The following KRT17 variants were observed in gnomAD, a reference collection of about 807,000 sequenced individuals.
KRT17 encodes keratin, type I cytoskeletal 17.
KRT17 carries 29 observed loss-of-function variants against 45.6 expected under a neutral mutation model. The observed-to-expected ratio is 0.64, with a 90% CI of 0.47 to 0.87. The LOEUF is 0.87. Among genes scored for constraint, KRT17 ranks in the 40% least tolerant of loss-of-function variants. The probability of loss-of-function intolerance (pLI) is 0.00; values close to 1 mark genes in which losing one functional copy is unlikely to be tolerated. For missense variants in KRT17, 536 were observed against 577.8 expected, an observed-to-expected ratio of 0.93 and a Z score of 0.74; for synonymous variants, 219 against 234.6, an observed-to-expected ratio of 0.93 and a Z score of 0.61.
chr17:41,621,835 C>A, intron 3 of KRT17, 81 bp from the exon 4 acceptor site: 1 of 1,503,720 alleles, frequency 6.7e-7, no homozygotes, highest in Non-Finnish European at 9.2e-7. Flanking sequence ...ACAAGGGGAC[C>A]CCACTTCCCA....
In KRT17 at chr17:41,624,004, G is replaced by T. The variant is rs536058710; in HGVS notation, c.432+74C>A. The stretch of plus-strand genomic sequence containing the variant: ...CCTGAGACCCTATGGCTGGACTCCA[G>T]GCCTTTGGCCAAGGCAGGAGTTGGG... On this transcript the variant is annotated intron_variant, in intron 1 of 7. Coordinates refer to ENST00000311208, the MANE Select transcript of KRT17 (RefSeq NM_000422.3). The T allele has an allele frequency of 6.3e-4, 1,005 of 1,599,152 alleles. 1 individual carries two copies. Among genetic ancestry groups the T allele is most frequent in the Middle Eastern group, 4.8e-3 (21 of 4,416 alleles).
At chr17:41,620,002 G>A (rs1281570262) in intron 7 of KRT17, 29 of 985,268 alleles carry the variant, frequency 2.9e-5, no homozygotes, top group South Asian at 4.7e-5. Context: ...TTTCTCTGCA[G>A]TCTCTAGGAC....
In KRT17 at chr17:41,620,894, G is replaced by A; in HGVS notation, c.961-15C>T. On this transcript the variant is annotated splice_polypyrimidine_tract_variant and intron_variant, in intron 5 of 7. Transcript: ENST00000311208. ...AGGGATGCTTTCTGCAGGAGGGCAG[G>A]AAGACCAGGGGTCAGTGAGGATGGT... 6.2e-7 allele frequency: 1 copy of A among 1,613,998 alleles called. No homozygotes were observed.
chr17:41,624,442 C>A lies in KRT17; in HGVS notation c.68G>T (p.Gly23Val). 2.5e-6 allele frequency: 4 copies of A among 1,610,216 alleles called. No individual in the cohort carries two copies. The highest frequency in any genetic ancestry group is 3.4e-6 in the Non-Finnish European group (4 of 1,179,376). ...CAGCCGGCAGGAGGTGCGGGACGAG[C>A]CGCCCCCCAGGCCGGAGGAGCCCTT... is the stretch of plus-strand genomic sequence containing the variant. ...SIKGSSGLGG[G>V]SSRTSCRLSG... Residue 23 changes from glycine (G) to valine (V), a missense_variant, in exon 1 of 8, where the codon GGC becomes GTC. Transcript: ENST00000311208.
rs1330476715 is a variant in KRT17 at position 41,620,683 on chromosome 17, C to T, written c.1157G>A (p.Arg386His). 2.5e-6 allele frequency: 4 copies of T among 1,612,156 alleles called. No individual in the cohort carries two copies. Among genetic ancestry groups the T allele is most frequent in the Non-Finnish European group, 2.5e-6 (3 of 1,179,866 alleles). ...RLEQEIATYR[R>H]LLEGEDAHLT... ...CTGGGCATCCTCTCCCTCCAGCAGG[C>T]GGCGGTAGGTGGCAATCTCCTGCTC... is the stretch of plus-strand genomic sequence containing the variant. Residue 386 changes from arginine (R) to histidine (H), a missense_variant, in exon 6 of 8, where the codon CGC (arginine) becomes CAC (histidine). Coordinates refer to ENST00000311208, the MANE Select transcript of KRT17 (RefSeq NM_000422.3).
chr17:41,621,769 GAT>G lies in KRT17; in HGVS notation c.673-17_673-16del, dbSNP rs1370146642. The G allele has an allele frequency of 6.2e-7, 1 of 1,611,876 alleles. No individual in the cohort carries two copies. Among genetic ancestry groups the G allele is most frequent in the African/African-American group, 1.3e-5 (1 of 74,844 alleles). ...GCGTTCATCTCCTATGGAAAAAGGGGATGTGGATGTGCGCATCTGGACCCATC... is the reference window on the plus strand; with the variant it reads ...GCGTTCATCTCCTATGGAAAAAGGGGGTGGATGTGCGCATCTGGACCCATC... On this transcript the variant is annotated splice_polypyrimidine_tract_variant and intron_variant, in intron 3 of 7. Transcript: ENST00000311208.
At chr17:41,622,254 G>A in intron 3 of KRT17, 101 bp downstream of exon 3, 1 of 1,473,594 alleles carries the variant, frequency 6.8e-7, no homozygotes, top group Non-Finnish European at 9.5e-7. Context: ...TAATCCCGGT[G>A]CACCTGCTCT....
At position 41,622,386 on chromosome 17, in the gene KRT17, T is replaced by C; in HGVS notation, c.641A>G (p.Glu214Gly). The C allele has an allele frequency of 6.2e-7, 1 of 1,613,846 alleles. No individual in the cohort carries two copies. Among genetic ancestry groups the C allele is most frequent in the Non-Finnish European group, 8.5e-7 (1 of 1,180,036 alleles). Reference sequence around the variant, plus strand: ...GTGGTTCTTCTTCAGGTAGGCCAGCTCCTCCTTGAGGTTCTCAATCTGCAT... The same window carrying C: ...GTGGTTCTTCTTCAGGTAGGCCAGCCCCTCCTTGAGGTTCTCAATCTGCAT... ...LEMQIENLKE[E>G]LAYLKKNHEE... The change falls in exon 3 of 8, where the codon GAG (glutamate) becomes GGG (glycine). Residue 214 changes from glutamate (E) to glycine (G), a missense_variant. By Grantham distance (98) the Glu-to-Gly change is moderately conservative (BLOSUM62 -2). Coordinates refer to ENST00000311208, the MANE Select transcript of KRT17 (RefSeq NM_000422.3).
chr17:41,620,536 G>A lies in KRT17; in HGVS notation c.1204C>T (p.Pro402Ser), dbSNP rs367560898. 4.2e-5 allele frequency: 68 copies of A among 1,611,328 alleles called. No homozygotes were observed. The highest frequency in any genetic ancestry group is 3.5e-4 in the African/African-American group (26 of 74,754). ...GGGCCGAAGCCACGCAGATACTTAC[G>A]TTCTTTCTTGTACTGAGTCAGGCTG... ...DAHLTQYKKE[P>S]VTTRQVRTIV... The change falls in exon 7 of 8, where the codon CCG becomes TCG. Residue 402 changes from proline to serine, a missense_variant and splice_region_variant. Coordinates refer to ENST00000311208, the MANE Select transcript of KRT17 (RefSeq NM_000422.3).
chr17:41,621,416 G>A (rs566636689), intron 4 of KRT17, among the ~76,000 whole-genome samples, 177 bp downstream of exon 4: 1 of 144,292 alleles, frequency 6.9e-6, no homozygotes, highest in African/African-American at 2.5e-5. Context: ...CCACCCACCC[G>A]CCAGATCCCA....
At chr17:41,621,176 A>G in intron 4 of KRT17, 85 bp from the exon 5 acceptor site, 1 of 1,549,288 alleles carries the variant, frequency 6.5e-7, no homozygotes, top group Non-Finnish European at 8.9e-7. Context: ...CTGTGGAGAG[A>G]GTGTGCCTTC....
chr17:41,621,352 G>A (rs1177366608), intron 4 of KRT17, among the ~76,000 whole-genome samples: 1 of 152,196 alleles, frequency 6.6e-6, no homozygotes, highest in Non-Finnish European at 1.5e-5. Flanking sequence ...GGAGACGTGG[G>A]GACTCCCAAG....
rs1908519792 is a variant in KRT17, at chr17:41,620,989, C to G, written c.937G>C (p.Glu313Gln). ...ACCATGCTGAGCTGGGACTGCAGCT[C>G]TATCTCCAAGGCCTGCATGGTGCGC... ...LRRTMQALEI[E>Q]LQSQLSMKAS... Residue 313 changes from glutamate to glutamine, a missense_variant, in exon 5 of 8, where the codon GAG becomes CAG. Transcript: ENST00000311208. 4 of 1,614,212 alleles carry G rather than the reference C, an allele frequency of 2.5e-6. No homozygotes were observed. Among genetic ancestry groups the G allele is most frequent in the Non-Finnish European group, 3.4e-6 (4 of 1,180,046 alleles).
In KRT17 at chr17:41,624,518, C is replaced by A. The variant is rs751685332; in HGVS notation, c.-9G>T. ...CGGATGGAGGTGGTCATGGTGGCGG[C>A]GGCAGGAGGCAGGCACACAGGAGAA... On this transcript the variant is annotated 5_prime_UTR_variant, in exon 1 of 8. Transcript: ENST00000311208. 4.4e-6 allele frequency: 7 copies of A among 1,608,054 alleles called. No homozygotes were observed. In the South Asian group the frequency reaches 5.5e-5, roughly 13 times the overall value.
intron 2 of KRT17, 58 bp downstream of exon 2, chr17:41,622,892 T>C (rs1908591805): frequency 2.1e-6 from 3 of 1,434,772 alleles, no homozygotes; most frequent in Admixed American, 1.7e-5. Flanking sequence ...TCAGGAGGGG[T>C]ACCCTGAGAT....
rs11553456 is a variant in KRT17 at position 41,624,462 on chromosome 17, G to C, written c.48C>G (p.Gly16=). ...RQFTSSSSIK[G]SSGLGGGSSR... The stretch of plus-strand genomic sequence containing the variant: ...ACGAGCCGCCCCCCAGGCCGGAGGA[G>C]CCCTTGATGGAGCTGGAGGAGGTGA... The change falls in exon 1 of 8, where the codon GGC becomes GGG. Residue 16 remains glycine (G), a synonymous_variant. Coordinates refer to ENST00000311208, the MANE Select transcript of KRT17 (RefSeq NM_000422.3). The C allele has an allele frequency of 8.4e-4, 1,357 of 1,610,536 alleles. 26 individuals are homozygous for C. In the South Asian group the frequency reaches 0.013, roughly 15 times the overall value.
In KRT17 at chr17:41,624,357, G is replaced by C. The variant is rs1258415165; in HGVS notation, c.153C>G (p.Thr51=). ...AGCTGGAGTAGCTGCTACCCCCGAGGGTGCTGCCCAGGCCGCCAGCAGATC... is the reference window on the plus strand; with the variant it reads ...AGCTGGAGTAGCTGCTACCCCCGAGCGTGCTGCCCAGGCCGCCAGCAGATC... The part of the protein sequence containing the change: ...RLGSAGGLGS[T]LGGSSYSSCY... Residue 51 remains threonine (T), a synonymous_variant, in exon 1 of 8, where the codon ACC becomes ACG. Transcript: ENST00000311208. 1.9e-6 allele frequency: 3 copies of C among 1,611,442 alleles called. No individual in the cohort carries two copies. Among genetic ancestry groups the C allele is most frequent in the Non-Finnish European group, 1.7e-6 (2 of 1,179,786 alleles).
chr17:41,622,958 G>T lies in KRT17; in HGVS notation c.507C>A (p.Phe169Leu). 1 of 1,612,462 alleles carries T rather than the reference G, an allele frequency of 6.2e-7. No individual in the cohort carries two copies. Among genetic ancestry groups the T allele is most frequent in the South Asian group, 1.1e-5 (1 of 91,004 alleles). Residue 169 changes from phenylalanine to leucine, a missense_variant, in exon 2 of 8, where the codon TTC becomes TTA. By Grantham distance (22) the Phe-to-Leu change is conservative (BLOSUM62 0). Transcript: ENST00000311208. ...CCACAGCTAGGACTCACTTGGTGCG[G>T]AAGTCATCAGCAGCCAGACGGGCAT... The part of the protein sequence containing the change: ...IDNARLAADD[F>L]RTKFETEQAL...
intron 4 of KRT17, 91 bp downstream of exon 4, chr17:41,621,502 T>G (rs1360514028): frequency 1.4e-6 from 2 of 1,466,416 alleles, no homozygotes; most frequent in African/African-American, 2.8e-5. Context: ...GAGGGGCACC[T>G]CCAAGACATC....
Sources: allele counts gnomAD v4.1 joint callset (sites outside exome capture counted in the v4.1 genomes callset), GRCh38; gene constraint gnomAD v4.1.1; transcripts MANE v1.5; gene names NCBI Gene and HGNC (gene_info 2026-07-23, HGNC 2026-07-21).